DIP2A: variants seen among roughly 807,000 people sequenced by gnomAD.
DIP2A encodes disco-interacting protein 2 homolog A.
A neutral mutation model predicts 177.4 loss-of-function variants in DIP2A; 85 were observed. That is an observed-to-expected ratio of 0.48 (90% CI 0.40 to 0.57). The LOEUF (loss-of-function observed/expected upper bound fraction) is 0.57. Among genes scored for constraint, DIP2A ranks in the 20% least tolerant of loss-of-function variants. DIP2A has a pLI of 0.00. For synonymous variants in DIP2A, 886 were observed against 881.8 expected, an observed-to-expected ratio of 1.00 and a Z score of -0.08; for missense variants, 1,791 against 2,100.2, an observed-to-expected ratio of 0.85 and a Z score of 2.88.
At chr21:46,481,056 C>G (rs73383347) in intron 1 of DIP2A, among the ~76,000 whole-genome samples, 17,054 of 152,174 alleles carry the variant, frequency 0.11, 1,547 homozygotes, top group African/African-American at 0.25. Flanking sequence ...GAGACCCTGA[C>G]TCTAAAACAT....
rs533617037 is a variant in DIP2A at position 46,528,652 on chromosome 21, G to A, written c.1103-440G>A. Among the ~76,000 whole-genome samples, 6 of 144,004 alleles carry A rather than the reference G, an allele frequency of 4.2e-5. No individual in the cohort carries two copies. The South Asian group carries it at 1.4e-3, about 33-fold the overall frequency. 94.5% of individuals were successfully genotyped at this position (144,004 alleles called of 152,430 possible). A position where few individuals can be genotyped will look rare whatever the true frequency, so the allele number is the denominator to read the frequency against. On this transcript the variant is annotated intron_variant, in intron 8 of 37. Coordinates refer to ENST00000417564, the MANE Select transcript of DIP2A (RefSeq NM_015151.4). ...AGCAATTCTCATGCTTCAGCCTCCCGAGCAGCTGGGATTACAGGCACACAC... is the reference window on the plus strand; with the variant it reads ...AGCAATTCTCATGCTTCAGCCTCCCAAGCAGCTGGGATTACAGGCACACAC...
In DIP2A at chr21:46,545,115, TGAG is replaced by T; in HGVS notation, c.2177-21_2177-19del. On this transcript the variant is annotated intron_variant, in intron 18 of 37. Coordinates refer to ENST00000417564, the MANE Select transcript of DIP2A (RefSeq NM_015151.4). ...CATTTAAACACGTTCTTGATAATTT[TGAG>T]TTTTTTTTCTCATTTTAGCTAATGT... The T allele has an allele frequency of 6.4e-7, 1 of 1,570,898 alleles. No homozygotes were observed. The highest frequency in any genetic ancestry group is 1.2e-5 in the South Asian group (1 of 86,690).
At chr21:46,482,249 T>C (rs2056392643) in intron 1 of DIP2A, among the ~76,000 whole-genome samples, 1 of 152,228 alleles carries the variant, frequency 6.6e-6, no homozygotes, top group African/African-American at 2.4e-5. Flanking sequence ...AACAACTGTA[T>C]CCATATCTGG....
At chr21:46,482,642 CA>C (rs71689856) in intron 1 of DIP2A, among the ~76,000 whole-genome samples, 24,237 of 152,148 alleles carry the variant, frequency 0.16, 2,180 homozygotes, top group African/African-American at 0.21. Context: ...TAGGAAGTGT[CA>C]AGCTTCCATG....
At position 46,538,546 on chromosome 21, in the gene DIP2A, G is replaced by A. The variant is rs1027446267; in HGVS notation, c.1865G>A (p.Arg622Lys). The change falls in exon 16 of 38, where the codon AGG becomes AAG. Residue 622 changes from arginine to lysine, a missense_variant. Transcript: ENST00000417564. ...HWSLLAQRGQ[R>K]DVSLSSLRML... ...TCTCTCCTAGCTCAGCGGGGCCAGA[G>A]GGACGTCAGCCTCAGCTCACTGCGC... 2.2e-5 allele frequency: 34 copies of A among 1,564,270 alleles called. No individual in the cohort carries two copies. The highest frequency in any genetic ancestry group is 2.9e-5 in the Non-Finnish European group (33 of 1,156,920).
intron 21 of DIP2A, among the ~76,000 whole-genome samples, chr21:46,548,175 T>C (rs2060132061): frequency 1.4e-5 from 2 of 142,490 alleles, no homozygotes; most frequent in African/African-American, 2.7e-5. Context: ...TGCTCATGCA[T>C]GTGTGCGTGT....
At chr21:46,503,993 A>G (rs1163208401) in intron 5 of DIP2A, among the ~76,000 whole-genome samples, 1 of 152,130 alleles carries the variant, frequency 6.6e-6, no homozygotes. Context: ...CCCCAAGTGC[A>G]GGGATTACAG....
At chr21:46,539,551 A>G (rs1409932063) in intron 16 of DIP2A, 1 of 377,374 alleles carries the variant, frequency 2.6e-6, no homozygotes, top group South Asian at 2.1e-5. Context: ...GCCTCTTCCC[A>G]TGGCACTCCC....
intron 1 of DIP2A, among the ~76,000 whole-genome samples, chr21:46,461,138 A>G (rs73381193): frequency 0.076 from 11,580 of 151,688 alleles, 1,064 homozygotes; most frequent in African/African-American, 0.23. Context: ...TCTCTACAGT[A>G]TTAAAAAAAA....
At chr21:46,473,685 T>G (rs1320941108) in intron 1 of DIP2A, among the ~76,000 whole-genome samples, 2 of 152,034 alleles carry the variant, frequency 1.3e-5, no homozygotes, top group Non-Finnish European at 2.9e-5. Context: ...CCGGCTAATT[T>G]TTGTATTTTT....
At position 46,563,352 on chromosome 21, in the gene DIP2A, G is replaced by A. The variant is rs576484806; in HGVS notation, c.4090-506G>A. On this transcript the variant is annotated intron_variant, in intron 34 of 37. Coordinates refer to ENST00000417564, the MANE Select transcript of DIP2A (RefSeq NM_015151.4). The surrounding 1 kb of genome is among the most constrained non-coding windows in gnomAD (Gnocchi z 4.3). ...AGCCCAGTGAGGGAACACTGGGACCGGGCCTGGGAGGCCAGGTAAGAGATG... is the reference window on the plus strand; with the variant it reads ...AGCCCAGTGAGGGAACACTGGGACCAGGCCTGGGAGGCCAGGTAAGAGATG... 2.6e-5 allele frequency among the ~76,000 whole-genome samples: 4 copies of A among 152,344 alleles called. No individual in the cohort carries two copies. The highest frequency in any genetic ancestry group is 1.9e-4 in the East Asian group (1 of 5,178).
chr21:46,516,578 C>T (rs1231389232), intron 8 of DIP2A, among the ~76,000 whole-genome samples: 5 of 146,218 alleles, frequency 3.4e-5, no homozygotes, highest in Non-Finnish European at 4.5e-5. Context: ...CTGCAAGCTC[C>T]GCCTCCTGGG....
rs772883274 is a variant in DIP2A, at chr21:46,509,378, T to TA, written c.904+4dup. 34 of 1,604,224 alleles carry TA rather than the reference T, an allele frequency of 2.1e-5. No homozygotes were observed. The highest frequency in any genetic ancestry group is 3.4e-6 in the Non-Finnish European group (4 of 1,176,570). ...ATGATTTTGAGGAATTGTTGGAAGG[T>TA]AAGAGTTGTCCAACTTTGAGCTTTT... On this transcript the variant is annotated splice_region_variant and intron_variant, in intron 7 of 37. Transcript: ENST00000417564.
chr21:46,545,766 T>G (rs1050761105), intron 19 of DIP2A, 115 bp from the exon 20 acceptor site: 2 of 1,243,486 alleles, frequency 1.6e-6, no homozygotes, highest in African/African-American at 1.5e-5. Flanking sequence ...GCCTCCTTTT[T>G]CCCCCTGGCC....
At chr21:46,476,469 C>A (rs542261267) in intron 1 of DIP2A, among the ~76,000 whole-genome samples, 1 of 152,036 alleles carries the variant, frequency 6.6e-6, no homozygotes, top group African/African-American at 2.4e-5. Context: ...AGGGCACTAG[C>A]CCAGAAGCAC....
At chr21:46,529,705 C>G (rs2059275337) in intron 9 of DIP2A, among the ~76,000 whole-genome samples, 1 of 151,162 alleles carries the variant, frequency 6.6e-6, no homozygotes, top group Admixed American at 6.6e-5. Flanking sequence ...CATTGTTTGT[C>G]CACTGTTTCT....
At chr21:46,575,231 A>G in the DIP2A span, among the ~76,000 whole-genome samples, 3 of 152,164 alleles carry the variant, frequency 2.0e-5, no homozygotes, top group Admixed American at 6.5e-5. Flanking sequence ...TCAGTACCCT[A>G]TAATGATTAA....
intron 13 of DIP2A, among the ~76,000 whole-genome samples, chr21:46,536,004 G>T (rs1485425144): frequency 6.6e-6 from 1 of 152,170 alleles, no homozygotes; most frequent in Non-Finnish European, 1.5e-5. Flanking sequence ...AAGGGAGCAG[G>T]TCAAAACTCC....
In DIP2A at chr21:46,511,610, C is replaced by G; in HGVS notation, c.1098C>G (p.Thr366=). The change falls in exon 8 of 38, where the codon ACC becomes ACG. Residue 366 remains threonine, a synonymous_variant. Coordinates refer to ENST00000417564, the MANE Select transcript of DIP2A (RefSeq NM_015151.4). ...CTGGGAAAGCCGTCTACACTCTCACCTATGGCAAGTGTTAACAGAAAGCAG... is the reference window on the plus strand; with the variant it reads ...CTGGGAAAGCCGTCTACACTCTCACGTATGGCAAGTGTTAACAGAAAGCAG... ...DTTGKAVYTL[T]YGKLWSRSLK... 1 of 1,531,372 alleles carries G rather than the reference C, an allele frequency of 6.5e-7. No homozygotes were observed. The highest frequency in any genetic ancestry group is 8.8e-7 in the Non-Finnish European group (1 of 1,142,618). The allele number at this position is 1,531,372 out of a possible 1,614,324, so 94.9% of individuals were successfully genotyped here.
Sources: gnomAD v4.1 joint callset for allele counts (sites outside exome capture counted in the v4.1 genomes callset) on GRCh38, gnomAD v4.1.1 for gene constraint, Gnocchi (gnomAD v3.1) non-coding constraint, MANE v1.5 for transcripts, NCBI Gene and HGNC (gene_info 2026-07-23, HGNC 2026-07-21) for gene names.